SYNCRIP: variants seen among roughly 807,000 people sequenced by gnomAD.
SYNCRIP encodes the protein synaptotagmin binding cytoplasmic RNA interacting protein, also known as heterogeneous nuclear ribonucleoprotein Q.
SYNCRIP carries 9 observed loss-of-function variants against 68.9 expected under a neutral mutation model. The observed-to-expected ratio is 0.13, with a 90% CI of 0.08 to 0.23. SYNCRIP has a LOEUF of 0.23. Ranked by LOEUF, SYNCRIP falls within the 10% of genes least tolerant of loss-of-function variation. The probability of loss-of-function intolerance (pLI) is 1.00; values close to 1 mark genes in which losing one functional copy is unlikely to be tolerated. For missense variants in SYNCRIP, 414 were observed against 770.6 expected (o/e 0.54, Z 5.48); for synonymous variants, 258 against 254.0 (o/e 1.02, Z -0.15).
intron 6 of SYNCRIP, among the ~76,000 whole-genome samples, chr6:85,633,672 T>C (rs1373853283): frequency 1.3e-5 from 2 of 152,144 alleles, no homozygotes; most frequent in East Asian, 1.9e-4. Flanking sequence ...ATACCTACCA[T>C]TGGAAATTTT....
At chr6:85,610,886 T>A (rs961747970), downstream of SYNCRIP, 3 of 152,030 alleles carry the variant, frequency 2.0e-5, no homozygotes, top group African/African-American at 7.2e-5. Flanking sequence ...TTGAGAGAGA[T>A]GTACTTTAAA....
intron 10 of SYNCRIP, among the ~76,000 whole-genome samples, chr6:85,618,132 T>C (rs1392730265): frequency 2.0e-5 from 3 of 152,166 alleles, no homozygotes; most frequent in African/African-American, 7.2e-5. Flanking sequence ...AGAGATTTAG[T>C]ATTTCCTATC....
intron 6 of SYNCRIP, among the ~76,000 whole-genome samples, chr6:85,625,130 C>T (rs2758845): frequency 0.39 from 58,454 of 151,826 alleles, 11,563 homozygotes; most frequent in East Asian, 0.61. Context: ...CCTGTCCCTT[C>T]CCCATCTCCA....
Position 85,614,566 on chromosome 6 carries a change from A to G in SYNCRIP, c.*190T>C. 2 of 1,289,840 alleles carry G rather than the reference A, an allele frequency of 1.6e-6. No homozygotes were observed. The highest frequency in any genetic ancestry group is 3.0e-5 in the East Asian group (1 of 32,924). 79.9% of individuals were successfully genotyped at this position (1,289,840 alleles called of 1,614,324 possible). A position where few individuals can be genotyped will look rare whatever the true frequency, so the allele number is the denominator to read the frequency against. The stretch of plus-strand genomic sequence containing the variant: ...TCTAAGAATATCTTTATTGAAAAAA[A>G]TTAAAAATAAAATCAGTTCGCCAGA... On this transcript the variant is annotated 3_prime_UTR_variant, in exon 11 of 11. Coordinates refer to ENST00000369622, the MANE Select transcript of SYNCRIP (RefSeq NM_006372.5).
intron 4 of SYNCRIP, among the ~76,000 whole-genome samples, chr6:85,639,067 G>A (rs997440217): frequency 6.6e-6 from 1 of 152,058 alleles, no homozygotes; most frequent in Non-Finnish European, 1.5e-5. Flanking sequence ...AATCAGCTGG[G>A]CCTGGTGGCA....
chr6:85,632,520 A>G (rs917160871), intron 6 of SYNCRIP, among the ~76,000 whole-genome samples: 1 of 152,242 alleles, frequency 6.6e-6, no homozygotes, highest in African/African-American at 2.4e-5. Flanking sequence ...AAAAACATCC[A>G]AAAAAACTTG....
chr6:85,643,182 C>T (rs1185027562), upstream of SYNCRIP: 1 of 152,648 alleles, frequency 6.6e-6, no homozygotes, highest in African/African-American at 2.4e-5. Flanking sequence ...GCTCCCACTC[C>T]CCTCTGCGGT....
Position 85,642,799 on chromosome 6 carries a change from C to T in SYNCRIP, c.-15G>A, listed in dbSNP as rs928971886. 6.5e-6 allele frequency: 1 copy of T among 152,794 alleles called. No homozygotes were observed. The highest frequency in any genetic ancestry group is 1.5e-5 in the Non-Finnish European group (1 of 68,170). 9.5% of individuals were successfully genotyped at this position (152,794 alleles called of 1,614,324 possible). ...ACCCAGGTTCTGGCAGTCGTTACCT[C>T]CCCGTTGGGCTGAGGCGGAGAAATC... On this transcript the variant is annotated splice_region_variant and 5_prime_UTR_variant, in exon 1 of 11. Transcript: ENST00000369622.
chr6:85,617,431 G>T lies in SYNCRIP; in HGVS notation c.1280+1387C>A, dbSNP rs569195123. Among the ~76,000 whole-genome samples the T allele has an allele frequency of 6.6e-5, 10 of 152,166 alleles. No individual in the cohort carries two copies. In the East Asian group the frequency reaches 1.7e-3, roughly 26 times the overall value. On this transcript the variant is annotated intron_variant, in intron 10 of 10. Coordinates refer to ENST00000369622, the MANE Select transcript of SYNCRIP (RefSeq NM_006372.5). ...ATTAACCATATATCGTCTTCTGAAA[G>T]AAATAAAAAGAAGTTATTTTACACT... is the stretch of plus-strand genomic sequence containing the variant.
At chr6:85,612,830 ACCATTACT>A (rs1805349243), downstream of SYNCRIP, 1 of 1,536,922 alleles carries the variant, frequency 6.5e-7, no homozygotes, top group Non-Finnish European at 8.8e-7. Context: ...TGATTTCCTT[ACCATTACT>A]CCACTGCAAG....
intron 1 of SYNCRIP, among the ~76,000 whole-genome samples, 169 bp downstream of exon 1, chr6:85,642,628 T>C (rs900796149): frequency 4.6e-5 from 7 of 152,142 alleles, no homozygotes; most frequent in South Asian, 4.1e-4. Flanking sequence ...AAGGAGGAAG[T>C]GGCGGCGCGG....
At chr6:85,642,117 G>A (rs888569080) in intron 1 of SYNCRIP, among the ~76,000 whole-genome samples, 5 of 152,226 alleles carry the variant, frequency 3.3e-5, no homozygotes, top group African/African-American at 1.2e-4. Flanking sequence ...ACATCAACCC[G>A]AAGCCGCGGT....
chr6:85,616,875 G>T (rs1477911290), intron 10 of SYNCRIP, among the ~76,000 whole-genome samples: 1 of 152,096 alleles, frequency 6.6e-6, no homozygotes, highest in Non-Finnish European at 1.5e-5. Context: ...GAGAAAGGGG[G>T]TGCTACTGGC....
Position 85,615,015 on chromosome 6 carries a change from G to A in SYNCRIP, c.1613C>T (p.Ala538Val), listed in dbSNP as rs780409457. The A allele has an allele frequency of 5.6e-6, 9 of 1,613,706 alleles. No homozygotes were observed. The highest frequency in any genetic ancestry group is 1.7e-5 in the Admixed American group (1 of 59,960). The change falls in exon 11 of 11, where the codon GCG becomes GTG. Residue 538 changes from alanine to valine, a missense_variant. Physicochemically the swap from Ala to Val is moderately conservative, Grantham distance 64. Transcript: ENST00000369622. ...TCTTTGTTGTTGGGCACCTCCTCTC[G>A]CACCTCGAACGCCTCTTGCTGATCC... Reference protein sequence around the residue: ...GPGSARGVRGARGGAQQQRGR... With the variant: ...GPGSARGVRGVRGGAQQQRGR...
At chr6:85,622,714 A>C in intron 7 of SYNCRIP, 27 bp from the exon 8 acceptor site, 1 of 1,558,676 alleles carries the variant, frequency 6.4e-7, no homozygotes, top group African/African-American at 1.4e-5. Flanking sequence ...ATTCCAGGAA[A>C]ATTAGATGAA....
At chr6:85,627,160 C>T (rs1379515007) in intron 6 of SYNCRIP, among the ~76,000 whole-genome samples, 1 of 150,132 alleles carries the variant, frequency 6.7e-6, no homozygotes. Flanking sequence ...CCCAGCTACT[C>T]GGGAGGCTGA....
At chr6:85,641,545 T>G in intron 1 of SYNCRIP, 94 bp from the exon 2 acceptor site, 1 of 1,272,864 alleles carries the variant, frequency 7.9e-7, no homozygotes, top group Non-Finnish European at 1.1e-6. Context: ...TACCATTTAC[T>G]ACACCAGCTA....
chr6:85,631,838 T>G (rs1211264016), intron 6 of SYNCRIP, among the ~76,000 whole-genome samples: 2 of 152,236 alleles, frequency 1.3e-5, no homozygotes, highest in African/African-American at 4.8e-5. Flanking sequence ...CAAGTCTATT[T>G]CTTTCTACTA....
downstream of SYNCRIP, chr6:85,609,174 CTG>C (rs1334938254): frequency 6.6e-6 from 1 of 151,834 alleles, no homozygotes; most frequent in Non-Finnish European, 1.5e-5. Context: ...GTGGGTATTC[CTG>C]TAAGTTTGAC....
Sources: gnomAD v4.1 joint callset for allele counts (sites outside exome capture counted in the v4.1 genomes callset) on GRCh38, gnomAD v4.1.1 for gene constraint, MANE v1.5 for transcripts, NCBI Gene and HGNC (gene_info 2026-07-23, HGNC 2026-07-21) for gene names.